MGAT4C: variants seen among roughly 807,000 people sequenced by gnomAD.
The protein encoded by MGAT4C is alpha-1,3-mannosyl-glycoprotein 4-beta-N-acetylglucosaminyltransferase C.
MGAT4C carries 19 observed loss-of-function variants against 40.1 expected under a neutral mutation model. That is an observed-to-expected ratio of 0.47 (90% CI 0.33 to 0.70). The LOEUF (loss-of-function observed/expected upper bound fraction) is 0.70. Among genes scored for constraint, MGAT4C ranks in the 30% least tolerant of loss-of-function variants. The pLI, the probability that MGAT4C is intolerant of heterozygous loss-of-function variation, is 0.02. For missense variants in MGAT4C, 491 were observed against 563.2 expected (o/e 0.87, Z 1.30); for synonymous variants, 181 against 187.1 (o/e 0.97, Z 0.27).
chr12:86,295,602 T>C (rs1953647591), intron 4 of MGAT4C, among the ~76,000 whole-genome samples: 1 of 152,186 alleles, frequency 6.6e-6, no homozygotes, highest in South Asian at 2.1e-4. Flanking sequence ...TTGCCAATGC[T>C]GGCTCTGGCA....
intron 2 of MGAT4C, among the ~76,000 whole-genome samples, chr12:86,630,712 C>A (rs1295978813): frequency 6.6e-6 from 1 of 152,116 alleles, no homozygotes; most frequent in African/African-American, 2.4e-5. Flanking sequence ...ACACTTCATG[C>A]TAAAAACTCT....
At chr12:86,251,594 C>A (rs1239670782) in intron 1 of MGAT4C, among the ~76,000 whole-genome samples, 1 of 151,998 alleles carries the variant, frequency 6.6e-6, no homozygotes, top group African/African-American at 2.4e-5. Flanking sequence ...AACTTTACAC[C>A]TTGCCTCTCA....
intron 1 of MGAT4C, among the ~76,000 whole-genome samples, chr12:86,113,010 AAAAT>A (rs1382697020): frequency 2.0e-5 from 3 of 151,774 alleles, no homozygotes; most frequent in Non-Finnish European, 3.0e-5. Flanking sequence ...CTGGAAACAA[AAAAT>A]AAATAAATAA....
chr12:86,668,110 G>A (rs1235764566), intron 2 of MGAT4C, among the ~76,000 whole-genome samples: 1 of 152,162 alleles, frequency 6.6e-6, no homozygotes, highest in Non-Finnish European at 1.5e-5. Flanking sequence ...TTTGTATCAT[G>A]ATCCAAGTAC....
intron 2 of MGAT4C, among the ~76,000 whole-genome samples, chr12:86,530,622 T>C (rs1366499418): frequency 6.6e-6 from 1 of 152,070 alleles, no homozygotes; most frequent in Non-Finnish European, 1.5e-5. Context: ...ATGTTTGATA[T>C]TTATGTTAGT....
At chr12:86,667,964 C>T (rs1416061532) in intron 2 of MGAT4C, among the ~76,000 whole-genome samples, 1 of 152,174 alleles carries the variant, frequency 6.6e-6, no homozygotes, top group East Asian at 1.9e-4. Flanking sequence ...AAATTTGTTT[C>T]TAAGAATAAA....
chr12:86,519,022 G>T (rs1958745364), intron 2 of MGAT4C, among the ~76,000 whole-genome samples: 1 of 152,154 alleles, frequency 6.6e-6, no homozygotes, highest in South Asian at 2.1e-4. Flanking sequence ...CAGGTGAGTA[G>T]TGCCTAGTCC....
chr12:86,593,667 G>GT (rs1961418761), intron 2 of MGAT4C, among the ~76,000 whole-genome samples: 4 of 151,994 alleles, frequency 2.6e-5, no homozygotes, highest in Non-Finnish European at 5.9e-5. Flanking sequence ...CCATATACTT[G>GT]TAAGTTTCCT....
At chr12:86,610,731 AC>A (rs1333960127) in intron 2 of MGAT4C, among the ~76,000 whole-genome samples, 1 of 70,122 alleles carries the variant, frequency 1.4e-5, no homozygotes, top group Non-Finnish European at 2.8e-5. Flanking sequence ...ATGCCATCCC[AC>A]CCCCCTCCCC....
intron 1 of MGAT4C, among the ~76,000 whole-genome samples, chr12:86,234,590 G>C (rs1566191872): frequency 6.6e-6 from 1 of 151,970 alleles, no homozygotes; most frequent in South Asian, 2.1e-4. Context: ...ACAGTTCTTG[G>C]GTACGTAGTC....
intron 3 of MGAT4C, among the ~76,000 whole-genome samples, chr12:86,405,214 C>G (rs1045358400): frequency 1.3e-5 from 2 of 151,890 alleles, no homozygotes; most frequent in African/African-American, 4.8e-5. Context: ...AAAACTGTTC[C>G]TACTTGAAGA....
At chr12:86,812,694 A>C (rs1369937101) in intron 1 of MGAT4C, among the ~76,000 whole-genome samples, 2 of 151,714 alleles carry the variant, frequency 1.3e-5, no homozygotes, top group African/African-American at 4.8e-5. Flanking sequence ...CAGCCTACCT[A>C]TGTTGTTGAA....
intron 2 of MGAT4C, among the ~76,000 whole-genome samples, chr12:86,580,503 T>C (rs1960739050): frequency 6.6e-6 from 1 of 151,468 alleles, no homozygotes; most frequent in South Asian, 2.1e-4. Context: ...CTGAAATCCA[T>C]AATAAATTTG....
intron 1 of MGAT4C, among the ~76,000 whole-genome samples, chr12:86,748,552 G>T (rs1363149494): frequency 6.6e-6 from 1 of 151,642 alleles, no homozygotes; most frequent in African/African-American, 2.4e-5. Flanking sequence ...AAGAGGAGGG[G>T]GAGCCCCAAG....
intron 1 of MGAT4C, among the ~76,000 whole-genome samples, chr12:86,125,922 C>G (rs970170512): frequency 6.7e-6 from 1 of 148,604 alleles, no homozygotes. Flanking sequence ...TTCATTTATT[C>G]ACTAAAAGAA....
chr12:86,412,165 A>T lies in MGAT4C; in HGVS notation c.-120+22992T>A, dbSNP rs57867591. ...TGGAGAACCTCTACCAGGGCAGTGC[A>T]GAGGGAAAACGTGGGGTTGGAGGCC... is the stretch of plus-strand genomic sequence containing the variant. On this transcript the variant is annotated intron_variant, in intron 3 of 7. Transcript: ENST00000548651. Among the ~76,000 whole-genome samples, 501 of 152,344 alleles carry T rather than the reference A, an allele frequency of 3.3e-3. 3 individuals carry two copies. The highest frequency in any genetic ancestry group is 0.012 in the African/African-American group (479 of 41,596).
intron 2 of MGAT4C, among the ~76,000 whole-genome samples, chr12:86,482,860 T>C (rs758113236): frequency 6.6e-6 from 1 of 152,216 alleles, no homozygotes. Flanking sequence ...ATTTTGTAAT[T>C]TGTTTTATTT....
intron 1 of MGAT4C, chr12:86,744,975 C>T (rs1482287812): frequency 6.6e-6 from 1 of 151,482 alleles, no homozygotes; most frequent in South Asian, 2.1e-4. Flanking sequence ...GATGCAAATC[C>T]GTTCTGCATG....
chr12:86,192,291 T>C (rs931114098), intron 1 of MGAT4C, among the ~76,000 whole-genome samples: 3 of 151,932 alleles, frequency 2.0e-5, no homozygotes, highest in Non-Finnish European at 2.9e-5. Context: ...GCTTTAACAT[T>C]AGGGCACTGA....
Sources: allele counts gnomAD v4.1 joint callset (sites outside exome capture counted in the v4.1 genomes callset), GRCh38; gene constraint gnomAD v4.1.1; transcripts MANE v1.5; gene names NCBI Gene and HGNC (gene_info 2026-07-23, HGNC 2026-07-21).